The following CDCA8 variants were observed in gnomAD, a reference collection of about 807,000 sequenced individuals.
CDCA8 encodes the protein cell division cycle associated 8.
CDCA8 carries 25 observed loss-of-function variants against 40.0 expected under a neutral mutation model. That is an observed-to-expected ratio of 0.63 (90% CI 0.46 to 0.87). The LOEUF is 0.87. CDCA8 is among the 40% of genes least tolerant of loss of function. The pLI, the probability that CDCA8 is intolerant of heterozygous loss-of-function variation, is 0.00. For missense variants in CDCA8, 280 were observed against 348.4 expected (o/e 0.80, Z 1.56); for synonymous variants, 111 against 126.5 (o/e 0.88, Z 0.82).
At chr1:37,703,219 T>C (rs769491021) in intron 6 of CDCA8, 33 bp from the exon 7 acceptor site, 1 of 1,523,228 alleles carries the variant, frequency 6.6e-7, no homozygotes, top group East Asian at 2.3e-5. Context: ...AACCTGAGAG[T>C]TGGCATACCT....
At chr1:37,706,902 G>C (rs1557519670) in intron 8 of CDCA8, 76 bp from the exon 9 acceptor site, 13 of 1,098,078 alleles carry the variant, frequency 1.2e-5, no homozygotes, top group Middle Eastern at 2.3e-4. Context: ...ACCACTAAGT[G>C]CAGGATATCA....
chr1:37,695,369 A>T (rs1410448708), intron 2 of CDCA8, among the ~76,000 whole-genome samples: 38 of 38,022 alleles, frequency 1.0e-3, no homozygotes, highest in African/African-American at 3.8e-3. Context: ...ATCTCTACTT[A>T]AAAAAAAAAA....
In CDCA8 at chr1:37,707,080, A is replaced by G. The variant is rs1415542442; in HGVS notation, c.798+16A>G. 2 of 1,592,292 alleles carry G rather than the reference A, an allele frequency of 1.3e-6. No homozygotes were observed. Among genetic ancestry groups the G allele is most frequent in the South Asian group, 2.2e-5 (2 of 90,646 alleles). ...GAAGCTCTCCGTAAGTCTCATATTC[A>G]TCTCCACACATAGGATGCCTCCAGT... On this transcript the variant is annotated intron_variant, in intron 9 of 9. Transcript: ENST00000373055.
At chr1:37,706,914 G>A in intron 8 of CDCA8, 64 bp from the exon 9 acceptor site, 1 of 1,261,158 alleles carries the variant, frequency 7.9e-7, no homozygotes, top group Non-Finnish European at 1.2e-6. Context: ...AGGATATCAG[G>A]GGAACCTAGG....
chr1:37,697,015 TTC>T (rs566117843), intron 3 of CDCA8, among the ~76,000 whole-genome samples: 12 of 152,250 alleles, frequency 7.9e-5, no homozygotes, highest in Non-Finnish European at 1.2e-4. Context: ...GCTAATGCAG[TTC>T]TCTCTTTTTA....
intron 7 of CDCA8, among the ~76,000 whole-genome samples, chr1:37,704,429 C>T (rs1645585149): frequency 6.6e-6 from 1 of 152,160 alleles, no homozygotes; most frequent in South Asian, 2.1e-4. Context: ...TGTGTGCTGA[C>T]AGGGAAAGAG....
Position 37,707,073 on chromosome 1 carries a change from C to T in CDCA8, c.798+9C>T, listed in dbSNP as rs1195091546. On this transcript the variant is annotated intron_variant, in intron 9 of 9. Coordinates refer to ENST00000373055, the MANE Select transcript of CDCA8 (RefSeq NM_001256875.2). ...ACATTAAGAAGCTCTCCGTAAGTCT[C>T]ATATTCATCTCCACACATAGGATGC... The T allele has an allele frequency of 3.1e-6, 5 of 1,607,490 alleles. No individual in the cohort carries two copies.
chr1:37,695,397 ACCTG>A, intron 2 of CDCA8, among the ~76,000 whole-genome samples: 1 of 140,660 alleles, frequency 7.1e-6, no homozygotes, highest in Admixed American at 7.3e-5. Context: ...AAAAAAGACA[ACCTG>A]GACAACTTGG....
At position 37,707,816 on chromosome 1, in the gene CDCA8, AGCT is replaced by A. The variant is rs554556841; in HGVS notation, c.799-505_799-503del. 1.8e-3 allele frequency among the ~76,000 whole-genome samples: 280 copies of A among 152,356 alleles called. 1 individual carries two copies. The highest frequency in any genetic ancestry group is 6.5e-3 in the African/African-American group (270 of 41,588). On this transcript the variant is annotated intron_variant, in intron 9 of 9. Coordinates refer to ENST00000373055, the MANE Select transcript of CDCA8 (RefSeq NM_001256875.2). The stretch of plus-strand genomic sequence containing the variant: ...AGCCTGGGTGACAGAGAAAGACCTC[AGCT>A]CTAAAAATAAAGTAAATTATCAATT...
At chr1:37,701,696 T>A in intron 5 of CDCA8, 58 bp from the exon 6 acceptor site, 4 of 1,125,022 alleles carry the variant, frequency 3.6e-6, no homozygotes, top group Non-Finnish European at 5.2e-6. Flanking sequence ...AAAACCCTCC[T>A]TACCTTCCTC....
intron 2 of CDCA8, among the ~76,000 whole-genome samples, chr1:37,693,918 A>T (rs1284788976): frequency 6.6e-6 from 1 of 151,194 alleles, no homozygotes; most frequent in Non-Finnish European, 1.5e-5. Context: ...CGGGCAGATG[A>T]CCTGAGGTCA....
At chr1:37,701,148 G>C (rs923030212) in intron 5 of CDCA8, among the ~76,000 whole-genome samples, 5 of 152,170 alleles carry the variant, frequency 3.3e-5, no homozygotes, top group Admixed American at 1.3e-4. Context: ...GGAGATTTGA[G>C]AGATACACTG....
At chr1:37,702,956 A>AG (rs1403845858) in intron 6 of CDCA8, among the ~76,000 whole-genome samples, 1 of 151,634 alleles carries the variant, frequency 6.6e-6, no homozygotes, top group Non-Finnish European at 1.5e-5. Context: ...CGTCTCAAAA[A>AG]AAAAAAAAAA....
chr1:37,692,954 G>A lies in CDCA8; in HGVS notation c.144G>A (p.Lys48=), dbSNP rs746722077. 3.2e-5 allele frequency: 52 copies of A among 1,614,014 alleles called. No homozygotes were observed. The South Asian group carries it at 5.7e-4, about 18-fold the overall frequency. The change falls in exon 2 of 10, where the codon AAG becomes AAA. Residue 48 remains lysine (K), a synonymous_variant. Coordinates refer to ENST00000373055, the MANE Select transcript of CDCA8 (RefSeq NM_001256875.2). ...QIESDRQNLL[K]EVDNLYNIEI... is the part of the protein sequence containing the mutation. ...AGTCAGACAGGCAGAACCTCCTCAA[G>A]GAGGTGGATAACCTCTACAACATCG...
chr1:37,703,978 G>A (rs996071858), intron 7 of CDCA8, among the ~76,000 whole-genome samples: 1 of 152,116 alleles, frequency 6.6e-6, no homozygotes, highest in Non-Finnish European at 1.5e-5. Flanking sequence ...TTATGAGGCA[G>A]GGTCTCACTC....
chr1:37,703,931 CAGA>C (rs1056799336), intron 7 of CDCA8, among the ~76,000 whole-genome samples: 2 of 152,046 alleles, frequency 1.3e-5, no homozygotes, highest in African/African-American at 4.8e-5. Context: ...TGATTCAAAT[CAGA>C]AGGTTTTTAT....
Position 37,693,001 on chromosome 1 carries a change from C to T in CDCA8, c.191C>T (p.Ala64Val), listed in dbSNP as rs1557513596. 2 of 1,614,090 alleles carry T rather than the reference C, an allele frequency of 1.2e-6. No individual in the cohort carries two copies. The highest frequency in any genetic ancestry group is 1.7e-6 in the Non-Finnish European group (2 of 1,179,978). Residue 64 changes from alanine (A) to valine (V), a missense_variant, in exon 2 of 10, where the codon GCT becomes GTT. Transcript: ENST00000373055. Reference sequence around the variant, plus strand: ...ATCGAGATCCTGCGGCTCCCCAAGGCTCTGCGCGAGATGAACTGGCTTGAC... The same window carrying T: ...ATCGAGATCCTGCGGCTCCCCAAGGTTCTGCGCGAGATGAACTGGCTTGAC... The part of the protein sequence containing the change: ...YNIEILRLPK[A>V]LREMNWLDYF...
Position 37,696,190 on chromosome 1 carries a change from T to C in CDCA8, c.264+240T>C, listed in dbSNP as rs1173609504. Among the ~76,000 whole-genome samples, 1 of 152,232 alleles carries C rather than the reference T, an allele frequency of 6.6e-6. No homozygotes were observed. The highest frequency in any genetic ancestry group is 6.5e-5 in the Admixed American group (1 of 15,278). On this transcript the variant is annotated intron_variant, in intron 3 of 9. Coordinates refer to ENST00000373055, the MANE Select transcript of CDCA8 (RefSeq NM_001256875.2). The surrounding 1 kb of genome is among the most constrained non-coding windows in gnomAD (Gnocchi z 5.0). ...TCTTGCAGTCCTTTGTTCTGAACTC[T>C]ACAGCGGAAGTAGAAAGCCTCAAGC...
chr1:37,699,074 C>T lies in CDCA8; in HGVS notation c.337+97C>T, dbSNP rs1362461236. ...CAGCGCCTTGTTGGTAGAGCCTCTT[C>T]CCTTTAATGTCTGGTTCTTAATCTT... On this transcript the variant is annotated intron_variant, in intron 4 of 9. Coordinates refer to ENST00000373055, the MANE Select transcript of CDCA8 (RefSeq NM_001256875.2). 5.2e-6 allele frequency: 4 copies of T among 769,420 alleles called. No individual in the cohort carries two copies. The Admixed American group carries it at 6.3e-5, about 12-fold the overall frequency. 47.7% of individuals were successfully genotyped at this position (769,420 alleles called of 1,614,324 possible).
Sources: gnomAD v4.1 joint callset for allele counts (sites outside exome capture counted in the v4.1 genomes callset) on GRCh38, gnomAD v4.1.1 for gene constraint, Gnocchi (gnomAD v3.1) non-coding constraint, MANE v1.5 for transcripts, NCBI Gene and HGNC (gene_info 2026-07-23, HGNC 2026-07-21) for gene names.